The following NOL4 variants were observed in gnomAD, a reference collection of about 807,000 sequenced individuals.
NOL4 encodes cancer/testis antigen 125.
Under a neutral mutation model 75.9 loss-of-function variants are expected in NOL4, and 17 were observed. The ratio of observed to expected loss-of-function variants is 0.22; its 90% CI spans 0.15 to 0.34. The LOEUF is 0.34. Ranked by LOEUF, NOL4 falls within the 10% of genes least tolerant of loss-of-function variation. NOL4 has a pLI of 1.00. For synonymous variants in NOL4, 292 were observed against 289.9 expected (o/e 1.01, Z -0.07); for missense variants, 614 against 793.5 (o/e 0.77, Z 2.72).
intron 6 of NOL4, among the ~76,000 whole-genome samples, chr18:34,000,997 A>G (rs1600208935): frequency 1.3e-5 from 2 of 152,292 alleles, no homozygotes; most frequent in African/African-American, 4.8e-5. Context: ...AAATGTAAAC[A>G]GTTTAAACTC....
At chr18:34,177,609 A>T (rs2033664850) in intron 1 of NOL4, among the ~76,000 whole-genome samples, 1 of 151,834 alleles carries the variant, frequency 6.6e-6, no homozygotes, top group Admixed American at 6.6e-5. Flanking sequence ...GGCTGCTATT[A>T]GGTTTTTCGC....
chr18:34,093,418 A>C, intron 5 of NOL4, 47 bp downstream of exon 5: 1 of 1,513,136 alleles, frequency 6.6e-7, no homozygotes, highest in Non-Finnish European at 8.9e-7. Context: ...ATTCTGACTC[A>C]TTTTTTTGCT....
chr18:34,102,367 TAGAC>T (rs1277010012), intron 4 of NOL4, among the ~76,000 whole-genome samples: 5 of 152,222 alleles, frequency 3.3e-5, no homozygotes, highest in South Asian at 2.1e-4. Context: ...TATAATTTGT[TAGAC>T]AGGAATATTT....
intron 2 of NOL4, chr18:34,128,932 A>G: frequency 2.6e-6 from 2 of 773,530 alleles, no homozygotes; most frequent in Non-Finnish European, 3.1e-6. Context: ...ATATCAATAT[A>G]GCTGAAAACA....
chr18:34,002,390 C>T (rs781327357), intron 6 of NOL4, among the ~76,000 whole-genome samples: 5 of 152,026 alleles, frequency 3.3e-5, no homozygotes, highest in Non-Finnish European at 7.4e-5. Flanking sequence ...GAATGCAAAG[C>T]TTCTTTCTTG....
At chr18:34,056,582 G>A (rs2076842727) in intron 5 of NOL4, among the ~76,000 whole-genome samples, 1 of 152,094 alleles carries the variant, frequency 6.6e-6, no homozygotes, top group Non-Finnish European at 1.5e-5. Flanking sequence ...CAATACTTCA[G>A]GAAGCCCCTA....
In NOL4 at chr18:33,852,589, T is replaced by C. The variant is rs2062671534; in HGVS notation, c.*253A>G. ...AAGAATAGATAGCCTTTTATGCCCC[T>C]GATATTTATGGTGACACACTAAAAC... On this transcript the variant is annotated 3_prime_UTR_variant, in exon 11 of 11. Coordinates refer to ENST00000261592, the MANE Select transcript of NOL4 (RefSeq NM_003787.5). 1 of 316,400 alleles carries C rather than the reference T, an allele frequency of 3.2e-6. No homozygotes were observed. 19.6% of individuals were successfully genotyped at this position (316,400 alleles called of 1,614,324 possible). A position where few individuals can be genotyped will look rare whatever the true frequency, so the allele number is the denominator to read the frequency against.
intron 1 of NOL4, among the ~76,000 whole-genome samples, chr18:34,142,957 A>G (rs1417927770): frequency 6.6e-6 from 1 of 152,198 alleles, no homozygotes; most frequent in Non-Finnish European, 1.5e-5. Context: ...AAAATATTAC[A>G]AACCTTTAAA....
chr18:33,945,898 G>A (rs768283054), intron 8 of NOL4, among the ~76,000 whole-genome samples: 34 of 151,710 alleles, frequency 2.2e-4, no homozygotes, highest in Admixed American at 1.3e-4. Context: ...GGTAGATTAA[G>A]TAATTGCAAA....
intron 2 of NOL4, among the ~76,000 whole-genome samples, chr18:34,107,085 G>A (rs768825689): frequency 3.3e-5 from 5 of 152,078 alleles, no homozygotes; most frequent in Non-Finnish European, 5.9e-5. Context: ...TGGCTTCCAC[G>A]GTCCTGATAC....
intron 2 of NOL4, among the ~76,000 whole-genome samples, chr18:34,129,343 T>C (rs1170144218): frequency 6.6e-6 from 1 of 151,830 alleles, no homozygotes. Flanking sequence ...TTTAATATTC[T>C]ATCCTGGAAA....
At chr18:33,957,644 G>A in intron 7 of NOL4, 127 bp from the exon 8 acceptor site, 2 of 622,406 alleles carry the variant, frequency 3.2e-6, no homozygotes, top group Non-Finnish European at 5.1e-6. Context: ...ACTTTGCAAT[G>A]GAAAGCCAGA....
intron 1 of NOL4, among the ~76,000 whole-genome samples, chr18:34,219,176 T>C (rs1392405893): frequency 2.6e-5 from 4 of 152,188 alleles, no homozygotes; most frequent in Non-Finnish European, 5.9e-5. Context: ...GGAAATTCAT[T>C]TAAGACCTGT....
chr18:34,223,053 C>G lies in NOL4; in HGVS notation c.201G>C (p.Pro67=). The change falls in exon 1 of 11, where the codon CCG becomes CCC. Residue 67 remains proline (P), a synonymous_variant. Transcript: ENST00000261592. The part of the protein sequence containing the change: ...VKSKGFQLGQ[P]DEVRGGGGGA... ...CGCCGCCTCCCCCGCGGACCTCGTC[C>G]GGCTGGCCCAGCTGGAAGCCCTTCG... 1.2e-6 allele frequency: 2 copies of G among 1,613,824 alleles called. No individual in the cohort carries two copies. The highest frequency in any genetic ancestry group is 8.5e-7 in the Non-Finnish European group (1 of 1,180,036).
At chr18:33,921,418 CA>C (rs1476062381) in intron 9 of NOL4, among the ~76,000 whole-genome samples, 1 of 152,034 alleles carries the variant, frequency 6.6e-6, no homozygotes, top group African/African-American at 2.4e-5. Flanking sequence ...TGTGTCCCCA[CA>C]AAAAGTATGT....
chr18:34,072,188 G>C (rs1047816101), intron 5 of NOL4, among the ~76,000 whole-genome samples: 23 of 152,262 alleles, frequency 1.5e-4, no homozygotes, highest in Admixed American at 1.4e-3. Context: ...TCACAGCATT[G>C]CACTCCAGCC....
chr18:34,077,180 C>A (rs1306625760), intron 5 of NOL4, among the ~76,000 whole-genome samples: 1 of 151,982 alleles, frequency 6.6e-6, no homozygotes, highest in African/African-American at 2.4e-5. Flanking sequence ...TGATGGCACA[C>A]CCCTGTGGGC....
chr18:33,961,818 G>C (rs1284037771), intron 6 of NOL4, among the ~76,000 whole-genome samples: 1 of 152,028 alleles, frequency 6.6e-6, no homozygotes, highest in Non-Finnish European at 1.5e-5. Context: ...TGAAAATGTT[G>C]AGTTTTGGAA....
intron 1 of NOL4, among the ~76,000 whole-genome samples, chr18:34,139,647 T>C (rs2145978639): frequency 6.6e-6 from 1 of 152,284 alleles, no homozygotes; most frequent in South Asian, 2.1e-4. Context: ...TTCATTGATT[T>C]TTTGGAGGGT....
Sources: allele counts gnomAD v4.1 joint callset (sites outside exome capture counted in the v4.1 genomes callset), GRCh38; gene constraint gnomAD v4.1.1; transcripts MANE v1.5; gene names NCBI Gene and HGNC (gene_info 2026-07-23, HGNC 2026-07-21).